PALM2AKAP2: variants seen among roughly 807,000 people sequenced by gnomAD.
PALM2AKAP2 encodes the protein PALM2 and AKAP2 fusion.
A neutral mutation model predicts 71.5 loss-of-function variants in PALM2AKAP2; 37 were observed. The observed-to-expected ratio is 0.52, with a 90% CI of 0.40 to 0.68. The LOEUF (loss-of-function observed/expected upper bound fraction) is 0.68, where lower values mean the gene tolerates loss of function less well. Ranked by LOEUF, PALM2AKAP2 falls within the 30% of genes least tolerant of loss-of-function variation. PALM2AKAP2 has a pLI of 0.00. For missense variants in PALM2AKAP2, 1,224 were observed against 1,191.8 expected (o/e 1.03, Z -0.40); for synonymous variants, 468 against 478.8 (o/e 0.98, Z 0.29).
At chr9:109,696,403 TTCTG>T (rs1218947900) in intron 1 of PALM2AKAP2, among the ~76,000 whole-genome samples, 2 of 152,250 alleles carry the variant, frequency 1.3e-5, no homozygotes, top group Non-Finnish European at 2.9e-5. Flanking sequence ...AGATGCCATC[TTCTG>T]TCTATCAGAT....
intron 1 of PALM2AKAP2, among the ~76,000 whole-genome samples, chr9:110,092,254 C>G (rs1028494314): frequency 6.6e-6 from 1 of 152,114 alleles, no homozygotes; most frequent in African/African-American, 2.4e-5. Flanking sequence ...ATTACATGAA[C>G]CCGGGAGGTG....
chr9:110,126,141 G>A (rs1564318833), intron 1 of PALM2AKAP2, among the ~76,000 whole-genome samples: 2 of 152,154 alleles, frequency 1.3e-5, no homozygotes, highest in Non-Finnish European at 2.9e-5. Context: ...GGTCCCATGG[G>A]TATGGAAGGA....
intron 1 of PALM2AKAP2, among the ~76,000 whole-genome samples, chr9:109,769,609 TG>T (rs940182808): frequency 6.6e-6 from 1 of 152,076 alleles, no homozygotes; most frequent in African/African-American, 2.4e-5. Flanking sequence ...CAACAGTGGT[TG>T]GGGGGAAAAG....
chr9:109,892,727 T>C (rs915586767), intron 3 of PALM2AKAP2, among the ~76,000 whole-genome samples: 7 of 152,124 alleles, frequency 4.6e-5, no homozygotes, highest in African/African-American at 1.4e-4. Context: ...GCTGCCTGTA[T>C]AATTTGAGGC....
intron 7 of PALM2AKAP2, 107 bp downstream of exon 7, chr9:110,016,146 A>G (rs723706): frequency 0.2 from 220,810 of 1,089,860 alleles, 23,222 homozygotes; most frequent in East Asian, 0.28. Context: ...CCACCTTGCT[A>G]GAGTTCTCTC....
At chr9:109,953,224 A>G (rs1831676717) in intron 6 of PALM2AKAP2, among the ~76,000 whole-genome samples, 1 of 152,244 alleles carries the variant, frequency 6.6e-6, no homozygotes, top group African/African-American at 2.4e-5. Context: ...TGATTACCAG[A>G]TGAACTCTAA....
intron 1 of PALM2AKAP2, among the ~76,000 whole-genome samples, chr9:109,794,096 A>T (rs1827185626): frequency 6.6e-6 from 1 of 152,212 alleles, no homozygotes; most frequent in African/African-American, 2.4e-5. Context: ...CATTGCTTAC[A>T]GTCCAGAACA....
intron 1 of PALM2AKAP2, among the ~76,000 whole-genome samples, chr9:109,660,757 G>C (rs1827380936): frequency 6.6e-6 from 1 of 152,276 alleles, no homozygotes; most frequent in South Asian, 2.1e-4. Context: ...CTTCCACAAT[G>C]GTTGAAATAA....
At chr9:109,843,200 G>A (rs1323161243) in intron 1 of PALM2AKAP2, among the ~76,000 whole-genome samples, 1 of 144,708 alleles carries the variant, frequency 6.9e-6, no homozygotes, top group African/African-American at 2.6e-5. Flanking sequence ...CAGCTACTCA[G>A]GAGGCTAAAG....
intron 7 of PALM2AKAP2, among the ~76,000 whole-genome samples, chr9:110,032,374 C>G (rs899186070): frequency 6.6e-6 from 1 of 151,032 alleles, no homozygotes; most frequent in African/African-American, 2.4e-5. Context: ...GCCTGGGCAA[C>G]TTGGCCAGAC....
At chr9:110,055,267 C>T (rs1182031493) in intron 1 of PALM2AKAP2, among the ~76,000 whole-genome samples, 1 of 151,974 alleles carries the variant, frequency 6.6e-6, no homozygotes, top group Admixed American at 6.6e-5. Context: ...GCAATCTCAG[C>T]TCACAGCAAC....
chr9:109,946,687 C>CAAAAAAAAAAAAA (rs746162235), intron 6 of PALM2AKAP2: 4 of 37,816 alleles, frequency 1.1e-4, no homozygotes, highest in East Asian at 8.0e-4. Context: ...AACTCCATCT[C>CAAAAAAAAAAAAA]AAAAAAAAAA....
At chr9:109,890,124 C>T (rs1330148261) in intron 3 of PALM2AKAP2, among the ~76,000 whole-genome samples, 1 of 152,228 alleles carries the variant, frequency 6.6e-6, no homozygotes, top group African/African-American at 2.4e-5. Flanking sequence ...TTCCTGTTGA[C>T]ATACTCTTCC....
At chr9:109,859,430 A>C (rs912601706) in intron 1 of PALM2AKAP2, among the ~76,000 whole-genome samples, 1 of 152,218 alleles carries the variant, frequency 6.6e-6, no homozygotes, top group Non-Finnish European at 1.5e-5. Flanking sequence ...AGAGGACTAA[A>C]AATGTTCCCA....
rs992116604 is a variant in PALM2AKAP2 at position 110,024,126 on chromosome 9, G to T, written c.582+8087G>T. Among the ~76,000 whole-genome samples, 96 of 152,030 alleles carry T rather than the reference G, an allele frequency of 6.3e-4. 1 individual carries two copies. Among genetic ancestry groups the T allele is most frequent in the African/African-American group, 2.2e-3 (91 of 41,450 alleles). On this transcript the variant is annotated intron_variant, in intron 7 of 9. Transcript: ENST00000302798. ...CACAACTTTATTAAGGATAAAATTT[G>T]CATGCCATATGGTTCCCCCAGGTAG...
At chr9:109,667,244 A>T (rs1232063642) in intron 1 of PALM2AKAP2, among the ~76,000 whole-genome samples, 1 of 152,194 alleles carries the variant, frequency 6.6e-6, no homozygotes, top group East Asian at 1.9e-4. Context: ...GAGAATGATG[A>T]CAGATAGATA....
chr9:109,881,226 T>C (rs1829841975), intron 3 of PALM2AKAP2, among the ~76,000 whole-genome samples: 1 of 152,238 alleles, frequency 6.6e-6, no homozygotes. Context: ...CATCCTTTTT[T>C]GTGGCTGCAA....
exon 1 of PALM2AKAP2, chr9:110,048,826 G>A: frequency 4.6e-6 from 7 of 1,531,406 alleles, no homozygotes; most frequent in Non-Finnish European, 6.1e-6. Context: ...AGAACCCCAG[G>A]ACTGCGCCCC....
chr9:110,111,523 C>CAAACAA (rs1440469321), intron 1 of PALM2AKAP2, among the ~76,000 whole-genome samples: 5 of 152,196 alleles, frequency 3.3e-5, no homozygotes, highest in Non-Finnish European at 7.3e-5. Flanking sequence ...TGGGAGCTGG[C>CAAACAA]AAACCCCTTG....
Sources: allele counts gnomAD v4.1 joint callset (sites outside exome capture counted in the v4.1 genomes callset), GRCh38; gene constraint gnomAD v4.1.1; transcripts MANE v1.5; gene names NCBI Gene and HGNC (gene_info 2026-07-23, HGNC 2026-07-21).